The following CHAF1A variants were observed in gnomAD, a reference collection of about 807,000 sequenced individuals.
CHAF1A encodes the protein chromatin assembly factor 1 subunit A, also known as CAF-1 subunit A.
A neutral mutation model predicts 93.2 loss-of-function variants in CHAF1A; 5 were observed. That is an observed-to-expected ratio of 0.05 (90% CI 0.03 to 0.11). CHAF1A has a LOEUF of 0.11. CHAF1A is among the 10% of genes least tolerant of loss of function. The pLI, the probability that CHAF1A is intolerant of heterozygous loss-of-function variation, is 1.00. For missense variants in CHAF1A, 1,102 were observed against 1,259.9 expected, an observed-to-expected ratio of 0.87 and a Z score of 1.90; for synonymous variants, 504 against 510.3, an observed-to-expected ratio of 0.99 and a Z score of 0.17.
chr19:4,445,353 C>T (rs1433251944), downstream of CHAF1A: 11 of 1,395,446 alleles, frequency 7.9e-6, no homozygotes, highest in Admixed American at 2.1e-5. Flanking sequence ...CCCAATTCCA[C>T]AGCTCCACGG....
chr19:4,435,074 TTTC>T (rs1206056389), intron 13 of CHAF1A, among the ~76,000 whole-genome samples: 1 of 146,004 alleles, frequency 6.8e-6, no homozygotes, highest in East Asian at 2.1e-4. Context: ...GTTTCTCTTT[TTTC>T]TTTTTTTTCC....
At chr19:4,415,746 G>T (rs1973886221) in intron 3 of CHAF1A, among the ~76,000 whole-genome samples, 1 of 152,114 alleles carries the variant, frequency 6.6e-6, no homozygotes, top group South Asian at 2.1e-4. Context: ...CAACGGCTCG[G>T]CCTTTCCCTA....
rs747953544 is a variant in CHAF1A at position 4,422,594 on chromosome 19, A to G, written c.1046A>G (p.Lys349Arg). ...CAGGAGCGTCTGGGCAAGCAGCTCA[A>G]GTTACGTGCAGAAAGGGAAGAAAAG... ...RDQERLGKQL[K>R]LRAEREEKEK... The change falls in exon 5 of 15, where the codon AAG becomes AGG. Residue 349 changes from lysine to arginine, a missense_variant. This residue lies in a region of CHAF1A where 165 missense variants were observed against 243.9 expected (regional missense o/e 0.68). Coordinates refer to ENST00000301280, the MANE Select transcript of CHAF1A (RefSeq NM_005483.3). The surrounding 1 kb of genome is among the most constrained non-coding windows in gnomAD (Gnocchi z 4.6). 3.2e-6 allele frequency: 5 copies of G among 1,574,838 alleles called. No individual in the cohort carries two copies. In the South Asian group the frequency reaches 4.6e-5, roughly 15 times the overall value.
chr19:4,432,357 C>T (rs1034343515), intron 12 of CHAF1A, 150 bp downstream of exon 12: 7 of 911,902 alleles, frequency 7.7e-6, no homozygotes, highest in Non-Finnish European at 8.0e-6. Flanking sequence ...CATGTCCGTA[C>T]GTTCAATGAT....
rs1387881762 is a variant in CHAF1A, at chr19:4,434,817, CGCCCGGTGTAAGGCACAGACAGGA to C, written c.2673+1282_2673+1305del. ...TCAGACACAGGTATATGCAGAACAC[CGCCCGGTGTAAGGCACAGACAGGA>C]GCCTGTAAGGGGAATGAATGGCTGT... is the stretch of plus-strand genomic sequence containing the variant. On this transcript the variant is annotated intron_variant, in intron 13 of 14. Transcript: ENST00000301280. Among the ~76,000 whole-genome samples the C allele has an allele frequency of 1.4e-4, 21 of 152,278 alleles. No individual in the cohort carries two copies. The South Asian group carries it at 3.3e-3, about 24-fold the overall frequency.
intron 13 of CHAF1A, among the ~76,000 whole-genome samples, chr19:4,440,844 G>A (rs1974373667): frequency 6.6e-6 from 1 of 152,188 alleles, no homozygotes; most frequent in Admixed American, 6.5e-5. Context: ...CAGAGGCCAG[G>A]TGCGGTGGCT....
chr19:4,442,135 G>A, intron 13 of CHAF1A, 110 bp from the exon 14 acceptor site: 2 of 824,900 alleles, frequency 2.4e-6, no homozygotes, highest in South Asian at 3.0e-5. Flanking sequence ...TTCCTTCCGT[G>A]TTGGGGGTGG....
At chr19:4,403,456 C>CACG (rs1973624331) in intron 1 of CHAF1A, among the ~76,000 whole-genome samples, 1 of 152,266 alleles carries the variant, frequency 6.6e-6, no homozygotes, top group Non-Finnish European at 1.5e-5. Context: ...TTGCTGGACT[C>CACG]TGCATTACAT....
At chr19:4,417,966 T>A (rs1244980204) in intron 3 of CHAF1A, 54 bp from the exon 4 acceptor site, 1 of 1,320,604 alleles carries the variant, frequency 7.6e-7, no homozygotes, top group Non-Finnish European at 1.1e-6. Context: ...TTTCTCTTTT[T>A]CTCGAAGCAA....
At chr19:4,417,681 G>T (rs894454273) in intron 3 of CHAF1A, among the ~76,000 whole-genome samples, 1 of 152,036 alleles carries the variant, frequency 6.6e-6, no homozygotes, top group African/African-American at 2.4e-5. Context: ...GGCTGGTCTC[G>T]AACTCCTGAC....
chr19:4,448,036 T>G, downstream of CHAF1A: 1 of 531,264 alleles, frequency 1.9e-6, no homozygotes, highest in Non-Finnish European at 3.4e-6. Context: ...ACCCGGGGAG[T>G]GGGGTGGGAC....
chr19:4,448,206 C>T (rs1344662205), downstream of CHAF1A: 12 of 1,010,786 alleles, frequency 1.2e-5, no homozygotes, highest in South Asian at 1.8e-4. Context: ...TATGCTCCTT[C>T]CCAACCCACC....
At chr19:4,448,214 A>T, downstream of CHAF1A, 1 of 1,064,152 alleles carries the variant, frequency 9.4e-7, no homozygotes, top group Non-Finnish European at 1.4e-6. Context: ...TTCCCAACCC[A>T]CCTCAGCAGG....
At position 4,433,006 on chromosome 19, in the gene CHAF1A, T is replaced by G; in HGVS notation, c.2204-64T>G. On this transcript the variant is annotated intron_variant, in intron 12 of 14. Coordinates refer to ENST00000301280, the MANE Select transcript of CHAF1A (RefSeq NM_005483.3). This position sits in a 1 kb window ranked among gnomAD's most constrained non-coding sequence, Gnocchi z 5.6. ...CAATGAGCTTGTGTATGTGTTTTGT[T>G]TTTTGGCCTGTGGTGATGGGTGGCT... is the stretch of plus-strand genomic sequence containing the variant. 7.5e-7 allele frequency: 1 copy of G among 1,335,730 alleles called. No homozygotes were observed. The highest frequency in any genetic ancestry group is 1.0e-6 in the Non-Finnish European group (1 of 985,548). 82.7% of individuals were successfully genotyped at this position (1,335,730 alleles called of 1,614,324 possible).
At chr19:4,425,398 G>A (rs896690111) in intron 7 of CHAF1A, among the ~76,000 whole-genome samples, 1 of 151,942 alleles carries the variant, frequency 6.6e-6, no homozygotes, top group Non-Finnish European at 1.5e-5. Flanking sequence ...GATTACAGGT[G>A]CCTGCCACCA....
chr19:4,404,123 G>T (rs1211707154), intron 1 of CHAF1A, among the ~76,000 whole-genome samples: 2 of 151,888 alleles, frequency 1.3e-5, no homozygotes, highest in East Asian at 3.9e-4. Flanking sequence ...GCCTGGCCAG[G>T]ATATTTAACT....
intron 13 of CHAF1A, among the ~76,000 whole-genome samples, chr19:4,438,157 T>C: frequency 6.6e-6 from 1 of 152,116 alleles, no homozygotes; most frequent in East Asian, 1.9e-4. Context: ...GGTGTATAGA[T>C]GATTTATTGG....
chr19:4,429,811 T>C (rs1365184810), intron 10 of CHAF1A, 23 bp downstream of exon 10: 1 of 1,597,732 alleles, frequency 6.3e-7, no homozygotes, highest in Non-Finnish European at 8.5e-7. Context: ...CCCAGCTGTC[T>C]TCACTCACAG....
At chr19:4,444,942 C>T (rs1188392296), downstream of CHAF1A, 1 of 154,436 alleles carries the variant, frequency 6.5e-6, no homozygotes, top group Non-Finnish European at 1.4e-5. Flanking sequence ...AGCCCCCAAG[C>T]CATCCGCTCT....
Sources: allele counts gnomAD v4.1 joint callset (sites outside exome capture counted in the v4.1 genomes callset), GRCh38; gene constraint gnomAD v4.1.1; regional missense constraint gnomAD v4.1.1; non-coding constraint Gnocchi (gnomAD v3.1); transcripts MANE v1.5; gene names NCBI Gene and HGNC (gene_info 2026-07-23, HGNC 2026-07-21).